Variants in PCDH15 observed in about 807,000 individuals in gnomAD.
The protein encoded by PCDH15 is protocadherin related 15.
In PCDH15, 129 loss-of-function variants were observed where a neutral mutation model predicts 178.5. That is an observed-to-expected ratio of 0.72 (90% CI 0.63 to 0.84). PCDH15 has a LOEUF of 0.84. Among genes scored for constraint, PCDH15 ranks in the 40% least tolerant of loss-of-function variants. The probability of loss-of-function intolerance (pLI) is 0.00; values close to 1 mark genes in which losing one functional copy is unlikely to be tolerated. For synonymous variants in PCDH15, 800 were observed against 732.0 expected (o/e 1.09, Z -1.50); for missense variants, 2,230 against 2,099.9 (o/e 1.06, Z -1.21).
intron 26 of PCDH15, among the ~76,000 whole-genome samples, chr10:53,877,704 G>A (rs74137215): frequency 0.021 from 3,195 of 151,992 alleles, 123 homozygotes; most frequent in African/African-American, 0.073. Flanking sequence ...GCATAGGAAG[G>A]GCAACACCAT....
At chr10:54,029,912 T>A (rs1225774883) in intron 18 of PCDH15, among the ~76,000 whole-genome samples, 1 of 152,116 alleles carries the variant, frequency 6.6e-6, no homozygotes, top group African/African-American at 2.4e-5. Context: ...GGGTGGAATA[T>A]ACTAGGATAA....
At chr10:54,945,842 C>T (rs1173670110) in intron 2 of PCDH15, among the ~76,000 whole-genome samples, 3 of 151,734 alleles carry the variant, frequency 2.0e-5, no homozygotes, top group Non-Finnish European at 2.9e-5. Flanking sequence ...ATTTTAAAGA[C>T]TGGGTGAGTC....
intron 21 of PCDH15, among the ~76,000 whole-genome samples, chr10:53,971,625 G>A (rs1209351618): frequency 6.6e-6 from 1 of 152,078 alleles, no homozygotes; most frequent in Non-Finnish European, 1.5e-5. Flanking sequence ...AAAATCACAA[G>A]CATTCCTATA....
intron 3 of PCDH15, among the ~76,000 whole-genome samples, chr10:54,461,441 T>C (rs1433241307): frequency 2.0e-5 from 3 of 152,170 alleles, no homozygotes; most frequent in Admixed American, 6.6e-5. Flanking sequence ...ATGTCCATGC[T>C]AGTTTTTCCA....
At chr10:54,214,135 G>A (rs1012684584) in intron 9 of PCDH15, 87 bp from the exon 10 acceptor site, 2 of 748,502 alleles carry the variant, frequency 2.7e-6, no homozygotes, top group Non-Finnish European at 4.8e-6. Flanking sequence ...ATCAGCTGAG[G>A]AACAAAGCTA....
At chr10:54,045,352 A>G (rs2660163) in intron 18 of PCDH15, among the ~76,000 whole-genome samples, 3,443 of 152,208 alleles carry the variant, frequency 0.023, 134 homozygotes, top group African/African-American at 0.078. Flanking sequence ...CATTAAACCA[A>G]TATTTATGGT....
chr10:54,214,912 T>A (rs1420854178), intron 9 of PCDH15, among the ~76,000 whole-genome samples: 2 of 152,164 alleles, frequency 1.3e-5, no homozygotes, highest in Non-Finnish European at 2.9e-5. Flanking sequence ...TCTTAATGTA[T>A]TTTAATAATC....
chr10:55,282,464 T>G (rs1182855552), intron 1 of PCDH15, among the ~76,000 whole-genome samples: 2 of 152,176 alleles, frequency 1.3e-5, no homozygotes, highest in East Asian at 3.9e-4. Context: ...ATTCACAGAT[T>G]GAATTTTACA....
At chr10:55,359,203 A>T (rs1303476726) in intron 2 of PCDH15, among the ~76,000 whole-genome samples, 2 of 151,960 alleles carry the variant, frequency 1.3e-5, no homozygotes, top group African/African-American at 4.8e-5. Context: ...TTTCAAAAAA[A>T]AAAGTAAAAT....
intron 2 of PCDH15, among the ~76,000 whole-genome samples, chr10:55,098,959 C>T (rs1842514314): frequency 8.1e-6 from 1 of 123,766 alleles, no homozygotes; most frequent in South Asian, 2.7e-4. Context: ...CTTTCTTTTG[C>T]CTATTAAACC....
At chr10:55,492,734 T>G (rs1449745159) in intron 2 of PCDH15, among the ~76,000 whole-genome samples, 2 of 151,702 alleles carry the variant, frequency 1.3e-5, no homozygotes, top group Non-Finnish European at 2.9e-5. Context: ...ATTCAAACAT[T>G]AGGTTCAGCA....
intron 9 of PCDH15, among the ~76,000 whole-genome samples, chr10:54,218,684 C>T (rs921897311): frequency 6.6e-6 from 1 of 151,086 alleles, no homozygotes; most frequent in Non-Finnish European, 1.5e-5. Flanking sequence ...TTAAGCTACT[C>T]AGTCTAGGGT....
At chr10:55,064,995 C>T (rs113727950) in intron 2 of PCDH15, among the ~76,000 whole-genome samples, 10 of 152,062 alleles carry the variant, frequency 6.6e-5, no homozygotes, top group African/African-American at 1.9e-4. Flanking sequence ...CCTCTCCTTG[C>T]AGTTTAATAG....
At chr10:54,425,150 C>T (rs1205299559) in intron 3 of PCDH15, among the ~76,000 whole-genome samples, 4 of 151,998 alleles carry the variant, frequency 2.6e-5, no homozygotes, top group African/African-American at 9.7e-5. Context: ...GGTTTGAATG[C>T]TCCCTCCAAA....
At chr10:55,479,223 A>C (rs1003633995) in intron 2 of PCDH15, among the ~76,000 whole-genome samples, 1 of 151,618 alleles carries the variant, frequency 6.6e-6, no homozygotes, top group Non-Finnish European at 1.5e-5. Flanking sequence ...CCTGATGAAC[A>C]TGCATGTAAA....
chr10:53,887,849 AC>A (rs747876457), intron 26 of PCDH15, among the ~76,000 whole-genome samples: 12 of 152,212 alleles, frequency 7.9e-5, no homozygotes, highest in Non-Finnish European at 1.5e-4. Flanking sequence ...AGATCGCGCC[AC>A]CGCACTCCAG....
At chr10:55,083,803 G>A (rs944106370) in intron 2 of PCDH15, among the ~76,000 whole-genome samples, 1 of 151,744 alleles carries the variant, frequency 6.6e-6, no homozygotes, top group Admixed American at 6.6e-5. Context: ...ACTCAAGAAA[G>A]TAATCCCATT....
At chr10:54,775,192 T>G (rs893030672) in intron 1 of PCDH15, among the ~76,000 whole-genome samples, 7 of 152,130 alleles carry the variant, frequency 4.6e-5, no homozygotes, top group Non-Finnish European at 1.0e-4. Flanking sequence ...TGTGGGAAAA[T>G]CTTAAGTTGA....
intron 2 of PCDH15, among the ~76,000 whole-genome samples, chr10:55,347,805 G>A (rs1254235250): frequency 6.6e-6 from 1 of 152,154 alleles, no homozygotes; most frequent in Non-Finnish European, 1.5e-5. Context: ...AGAGCTGCCT[G>A]GGCAGGAGTC....
Sources: gnomAD v4.1 joint callset for allele counts (sites outside exome capture counted in the v4.1 genomes callset) on GRCh38, gnomAD v4.1.1 for gene constraint, MANE v1.5 for transcripts, NCBI Gene and HGNC (gene_info 2026-07-23, HGNC 2026-07-21) for gene names.